Variants in PRR14L observed in about 807,000 individuals in gnomAD.
PRR14L encodes proline rich 14 like, also known as protein PRR14L.
A neutral mutation model predicts 155.0 loss-of-function variants in PRR14L; 80 were observed. The ratio of observed to expected loss-of-function variants is 0.52; its 90% CI spans 0.43 to 0.62. The LOEUF is 0.62. Among genes scored for constraint, PRR14L ranks in the 20% least tolerant of loss-of-function variants. The probability of loss-of-function intolerance (pLI) is 0.00; values close to 1 mark genes in which losing one functional copy is unlikely to be tolerated. For missense variants in PRR14L, 2,469 were observed against 2,548.0 expected (o/e 0.97, Z 0.67); for synonymous variants, 883 against 916.0 (o/e 0.96, Z 0.65).
intron 1 of PRR14L, among the ~76,000 whole-genome samples, chr22:31,745,986 A>C (rs778983057): frequency 2.6e-5 from 4 of 151,716 alleles, no homozygotes; most frequent in Admixed American, 6.6e-5. Flanking sequence ...GCTGGAATGC[A>C]GTGGCTTGAT....
At position 31,715,737 on chromosome 22, in the gene PRR14L, A is replaced by G; in HGVS notation, c.2102T>C (p.Ile701Thr). The change falls in exon 4 of 9, where the codon ATT becomes ACT. Residue 701 changes from isoleucine to threonine, a missense_variant. Ile to Thr is a moderately conservative substitution (Grantham distance 89). Transcript: ENST00000327423. ...AATGGGAATGGTTTGTATATCAGCA[A>G]TGACATCTGCTCTACCCTCTAATGG... ...HPPLEGRADVIADIQTIPIQT... is the reference protein window; with the variant it reads ...HPPLEGRADVTADIQTIPIQT... The G allele has an allele frequency of 1.5e-5, 23 of 1,552,212 alleles. No homozygotes were observed. Among genetic ancestry groups the G allele is most frequent in the Non-Finnish European group, 2.0e-5 (23 of 1,147,058 alleles).
At position 31,716,220 on chromosome 22, in the gene PRR14L, T is replaced by A. The variant is rs772694274; in HGVS notation, c.1619A>T (p.Asp540Val). The change falls in exon 4 of 9, where the codon GAC (aspartate) becomes GTC (valine). Residue 540 changes from aspartate (D) to valine (V), a missense_variant. This residue lies in a region of PRR14L where 2,363 missense variants were observed against 2,371.6 expected (regional missense o/e 1.00). Transcript: ENST00000327423. Reference protein sequence around the residue: ...NILSKSFYTKDCNSLVSIQRN... With the variant: ...NILSKSFYTKVCNSLVSIQRN... ...CTGGATGCTGACTAAGGAGTTACAG[T>A]CTTTAGTGTAAAAAGATTTACTTAA... 18 of 1,551,432 alleles carry A rather than the reference T, an allele frequency of 1.2e-5. No homozygotes were observed. In the African/African-American group the frequency reaches 2.3e-4, roughly 20 times the overall value.
chr22:31,742,743 T>C (rs1601519614), intron 1 of PRR14L, among the ~76,000 whole-genome samples: 1 of 152,154 alleles, frequency 6.6e-6, no homozygotes, highest in Non-Finnish European at 1.5e-5. Flanking sequence ...ACAAAACATA[T>C]GTCCACATAA....
chr22:31,703,540 T>C lies in PRR14L; in HGVS notation c.6000+10A>G. On this transcript the variant is annotated intron_variant, in intron 6 of 8. Coordinates refer to ENST00000327423, the MANE Select transcript of PRR14L (RefSeq NM_173566.3). ...ACCATCATCTGACCCAACCAGCACT[T>C]TACACTTACCTCTTTCTGTTCTGGG... is the stretch of plus-strand genomic sequence containing the variant. 1 of 1,611,388 alleles carries C rather than the reference T, an allele frequency of 6.2e-7. No individual in the cohort carries two copies. The highest frequency in any genetic ancestry group is 1.3e-5 in the African/African-American group (1 of 74,866).
chr22:31,722,240 G>T lies in PRR14L; in HGVS notation c.547+3298C>A, dbSNP rs535968892. Reference sequence around the variant, plus strand: ...AGGTCAGGAGTTTGAGACAAGTCTGGCCAACATGGTAAAACTCCGTCTCTA... The same window carrying T: ...AGGTCAGGAGTTTGAGACAAGTCTGTCCAACATGGTAAAACTCCGTCTCTA... On this transcript the variant is annotated intron_variant, in intron 3 of 8. Transcript: ENST00000327423. Among the ~76,000 whole-genome samples, 655 of 151,854 alleles carry T rather than the reference G, an allele frequency of 4.3e-3. 8 individuals carry two copies. The highest frequency in any genetic ancestry group is 0.015 in the African/African-American group (624 of 41,446).
At chr22:31,718,779 C>T (rs948229510) in intron 3 of PRR14L, among the ~76,000 whole-genome samples, 1 of 127,394 alleles carries the variant, frequency 7.8e-6, no homozygotes, top group Non-Finnish European at 1.6e-5. Context: ...AAATGCAAAT[C>T]TATTTAAAGA....
intron 3 of PRR14L, among the ~76,000 whole-genome samples, chr22:31,722,281 A>C (rs1228082295): frequency 6.6e-6 from 1 of 151,830 alleles, no homozygotes. Flanking sequence ...AATACAAAAA[A>C]ATCAGCCGGG....
At chr22:31,694,508 G>A (rs549476556) in intron 7 of PRR14L, among the ~76,000 whole-genome samples, 51 of 152,102 alleles carry the variant, frequency 3.4e-4, no homozygotes, top group Non-Finnish European at 5.7e-4. Flanking sequence ...AGCACTTTGG[G>A]AGGCTGAGGT....
In PRR14L at chr22:31,714,964, C is replaced by G. The variant is rs974629729; in HGVS notation, c.2875G>C (p.Val959Leu). ...MFSSFKNVKS[V>L]ETLDQKADEV... ...TCTGCCTTCTGATCGAGTGTTTCAA[C>G]TGATTTTACATTTTTAAAACTGGAG... The change falls in exon 4 of 9, where the codon GTT (valine) becomes CTT (leucine). Residue 959 changes from valine to leucine, a missense_variant. Physicochemically the swap from Val to Leu is conservative, Grantham distance 32. Coordinates refer to ENST00000327423, the MANE Select transcript of PRR14L (RefSeq NM_173566.3). 6 of 1,551,980 alleles carry G rather than the reference C, an allele frequency of 3.9e-6. No homozygotes were observed. The African/African-American group carries it at 8.2e-5, about 21-fold the overall frequency.
intron 2 of PRR14L, among the ~76,000 whole-genome samples, chr22:31,736,688 T>G (rs1036832467): frequency 1.3e-5 from 2 of 152,076 alleles, no homozygotes; most frequent in African/African-American, 4.8e-5. Context: ...ATTCATTCAT[T>G]TATGTATTGC....
chr22:31,698,060 C>CT (rs71184519), intron 7 of PRR14L, among the ~76,000 whole-genome samples: 101,103 of 148,596 alleles, frequency 0.68, 35,625 homozygotes, highest in East Asian at 0.81. Context: ...TGTTGTAATT[C>CT]TTTTTTTTTT....
At chr22:31,736,689 T>G (rs1332168988) in intron 2 of PRR14L, among the ~76,000 whole-genome samples, 2 of 152,110 alleles carry the variant, frequency 1.3e-5, no homozygotes, top group Non-Finnish European at 2.9e-5. Flanking sequence ...TTCATTCATT[T>G]ATGTATTGCC....
chr22:31,711,281 T>G (rs1333458291), intron 4 of PRR14L, among the ~76,000 whole-genome samples: 3 of 152,056 alleles, frequency 2.0e-5, no homozygotes, highest in African/African-American at 7.2e-5. Flanking sequence ...AAGACCAGCC[T>G]GGCCAACATG....
At chr22:31,721,563 C>CAA (rs1248470470) in intron 3 of PRR14L, among the ~76,000 whole-genome samples, 13 of 88,180 alleles carry the variant, frequency 1.5e-4, no homozygotes, top group African/African-American at 2.5e-4. Context: ...GCAAGACTCA[C>CAA]AAAAAAAAAA....
At position 31,716,416 on chromosome 22, in the gene PRR14L, TTTTA is replaced by T; in HGVS notation, c.1419_1422del (p.Asn473LysfsTer4). The T allele has an allele frequency of 6.4e-7, 1 of 1,550,650 alleles. No homozygotes were observed. Among genetic ancestry groups the T allele is most frequent in the Non-Finnish European group, 8.7e-7 (1 of 1,146,676 alleles). On this transcript the variant is annotated frameshift_variant, in exon 4 of 9. Coordinates refer to ENST00000327423, the MANE Select transcript of PRR14L (RefSeq NM_173566.3). LOFTEE classifies it high-confidence loss of function. ...ACGTGTACAGTAATTTTCAAATCAT[TTTTA>T]TTTAACATTACTTCTGTGGCTTCAG...
At chr22:31,742,613 C>G (rs1601519568) in intron 1 of PRR14L, among the ~76,000 whole-genome samples, 1 of 152,078 alleles carries the variant, frequency 6.6e-6, no homozygotes, top group African/African-American at 2.4e-5. Context: ...GTAATCCGCC[C>G]GCCTCGGCCT....
chr22:31,729,989 A>AG (rs1381011077), intron 2 of PRR14L, among the ~76,000 whole-genome samples: 1 of 151,036 alleles, frequency 6.6e-6, no homozygotes, highest in Non-Finnish European at 1.5e-5. Flanking sequence ...TCTCTACTAA[A>AG]ATACAAAATT....
At chr22:31,745,465 T>G (rs780614948) in intron 1 of PRR14L, among the ~76,000 whole-genome samples, 4 of 152,210 alleles carry the variant, frequency 2.6e-5, no homozygotes, top group Non-Finnish European at 4.4e-5. Flanking sequence ...GCCACAAGAC[T>G]GCAGTGACAG....
At position 31,684,285 on chromosome 22, in the gene PRR14L, C is replaced by A. The variant is rs1251801081; in HGVS notation, c.*1242G>T. On this transcript the variant is annotated 3_prime_UTR_variant, in exon 9 of 9. Transcript: ENST00000327423. ...AGGAGCCCAGAGTACAATGAGGTGG[C>A]CCTCAAAGAAGGCTGGCTGGGGATT... 2 of 152,232 alleles carry A rather than the reference C, an allele frequency of 1.3e-5. No individual in the cohort carries two copies. Among genetic ancestry groups the A allele is most frequent in the African/African-American group, 2.4e-5 (1 of 41,426 alleles). The allele number at this position is 152,232 out of a possible 1,614,324, so 9.4% of individuals were successfully genotyped here. A position where few individuals can be genotyped will look rare whatever the true frequency, so the allele number is the denominator to read the frequency against.
Sources: allele counts gnomAD v4.1 joint callset (sites outside exome capture counted in the v4.1 genomes callset), GRCh38; gene constraint gnomAD v4.1.1; regional missense constraint gnomAD v4.1.1; transcripts MANE v1.5; gene names NCBI Gene and HGNC (gene_info 2026-07-23, HGNC 2026-07-21).